The following PGAP1 variants were observed in gnomAD, a reference collection of about 807,000 sequenced individuals.
PGAP1 encodes post-GPI attachment to proteins inositol deacylase 1.
PGAP1 carries 76 observed loss-of-function variants against 127.0 expected under a neutral mutation model. That is an observed-to-expected ratio of 0.60 (90% CI 0.50 to 0.72). The LOEUF is 0.72. Ranked by LOEUF, PGAP1 falls within the 30% of genes least tolerant of loss-of-function variation. The pLI is 0.00. For synonymous variants in PGAP1, 362 were observed against 366.5 expected (o/e 0.99, Z 0.14); for missense variants, 982 against 1,071.3 (o/e 0.92, Z 1.16).
At chr2:196,892,949 T>TC (rs1373544951) in intron 8 of PGAP1, among the ~76,000 whole-genome samples, 191 bp downstream of exon 8, 1 of 152,062 alleles carries the variant, frequency 6.6e-6, no homozygotes, top group Admixed American at 6.6e-5. Flanking sequence ...ACATGTTGCT[T>TC]CTTTTTCCCT....
At chr2:196,886,886 C>T (rs1011782696) in intron 10 of PGAP1, among the ~76,000 whole-genome samples, 2 of 151,878 alleles carry the variant, frequency 1.3e-5, no homozygotes, top group African/African-American at 4.8e-5. Flanking sequence ...TTAGTGGAGA[C>T]GGGATTTCAC....
Position 196,926,456 on chromosome 2 carries a change from G to A in PGAP1, c.147+14C>T. 1 of 1,614,028 alleles carries A rather than the reference G, an allele frequency of 6.2e-7. No homozygotes were observed. Among genetic ancestry groups the A allele is most frequent in the East Asian group, 2.2e-5 (1 of 44,870 alleles). ...GTCTTGGAGCGCCCGGCTGAGGAGA[G>A]GGCAGAACCTTACCTGATACTCCGG... On this transcript the variant is annotated intron_variant, in intron 1 of 26. Transcript: ENST00000354764.
At chr2:196,894,796 C>T (rs1160780580) in intron 7 of PGAP1, among the ~76,000 whole-genome samples, 5 of 151,836 alleles carry the variant, frequency 3.3e-5, no homozygotes, top group African/African-American at 9.7e-5. Context: ...AGCAAGACTC[C>T]GTCTCAAAAA....
At chr2:196,925,559 T>C (rs1703331655) in intron 1 of PGAP1, among the ~76,000 whole-genome samples, 1 of 152,154 alleles carries the variant, frequency 6.6e-6, no homozygotes, top group African/African-American at 2.4e-5. Flanking sequence ...TTTTTACAGC[T>C]AGTCATGAAT....
Position 196,838,970 on chromosome 2 carries a change from G to A in PGAP1, c.*2264C>T, listed in dbSNP as rs1412295306. On this transcript the variant is annotated 3_prime_UTR_variant, in exon 27 of 27. Coordinates refer to ENST00000354764, the MANE Select transcript of PGAP1 (RefSeq NM_024989.4). ...GAGGCAGGGGCATCACTTGCACCTG[G>A]GAGGTGGAGGTTGCAGTGAGCTGAA... 1 of 152,416 alleles carries A rather than the reference G, an allele frequency of 6.6e-6. No homozygotes were observed. Among genetic ancestry groups the A allele is most frequent in the African/African-American group, 2.4e-5 (1 of 41,414 alleles). The allele number at this position is 152,416 out of a possible 1,614,324, so 9.4% of individuals were successfully genotyped here. A position where few individuals can be genotyped will look rare whatever the true frequency, so the allele number is the denominator to read the frequency against.
chr2:196,926,354 C>T, intron 1 of PGAP1, 116 bp downstream of exon 1: 1 of 1,483,340 alleles, frequency 6.7e-7, no homozygotes, highest in East Asian at 2.3e-5. Context: ...GAGGCGAGGA[C>T]GGGACAGGGG....
chr2:196,861,961 A>G (rs1384635187), intron 20 of PGAP1, among the ~76,000 whole-genome samples: 2 of 150,934 alleles, frequency 1.3e-5, no homozygotes, highest in African/African-American at 2.4e-5. Context: ...CCATGTGATA[A>G]TCGTATTAAC....
intron 10 of PGAP1, among the ~76,000 whole-genome samples, chr2:196,889,032 T>C (rs1055112396): frequency 1.3e-5 from 2 of 152,186 alleles, no homozygotes; most frequent in Non-Finnish European, 2.9e-5. Flanking sequence ...AAAATTTCTA[T>C]AATAAAAATT....
At chr2:196,894,146 T>C (rs1559359183) in intron 7 of PGAP1, among the ~76,000 whole-genome samples, 3 of 152,344 alleles carry the variant, frequency 2.0e-5, no homozygotes, top group East Asian at 1.9e-4. Context: ...CTATCTTAGA[T>C]TGGGAGACAG....
intron 5 of PGAP1, among the ~76,000 whole-genome samples, chr2:196,901,245 T>C (rs928690892): frequency 6.6e-6 from 1 of 152,244 alleles, no homozygotes; most frequent in Non-Finnish European, 1.5e-5. Context: ...TGAGGTTTGA[T>C]AGTTTTACTA....
intron 12 of PGAP1, among the ~76,000 whole-genome samples, chr2:196,883,190 T>C (rs1701786683): frequency 6.6e-6 from 1 of 152,306 alleles, no homozygotes; most frequent in Admixed American, 6.5e-5. Flanking sequence ...GTTCTGGAAG[T>C]ATGTGTGGGG....
At chr2:196,899,063 C>T (rs1343548510) in intron 5 of PGAP1, among the ~76,000 whole-genome samples, 1 of 152,166 alleles carries the variant, frequency 6.6e-6, no homozygotes, top group Non-Finnish European at 1.5e-5. Flanking sequence ...ACTAGAGACT[C>T]CTTTTCACAC....
At chr2:196,922,672 CTT>C (rs763237138) in intron 1 of PGAP1, 308 of 115,226 alleles carry the variant, frequency 2.7e-3, no homozygotes, top group East Asian at 0.01. Flanking sequence ...TTCTTACCTA[CTT>C]TTTTTTTTTT....
chr2:196,854,960 C>T (rs984326415), intron 20 of PGAP1, among the ~76,000 whole-genome samples: 1 of 143,870 alleles, frequency 7.0e-6, no homozygotes, highest in South Asian at 2.2e-4. Context: ...TCTTTTTAAA[C>T]TTTTTTTTTT....
In PGAP1 at chr2:196,834,473, C is replaced by T. The variant is rs1165471517; in HGVS notation, c.*6761G>A. 1 of 152,350 alleles carries T rather than the reference C, an allele frequency of 6.6e-6. No homozygotes were observed. Among genetic ancestry groups the T allele is most frequent in the Non-Finnish European group, 1.5e-5 (1 of 67,876 alleles). The allele number at this position is 152,350 out of a possible 1,614,324, so 9.4% of individuals were successfully genotyped here. Reference sequence around the variant, plus strand: ...CATTTCAAGGCACACTCTGTTTTATCCCAAATGACTATAAGTTCAAGGTCA... The same window carrying T: ...CATTTCAAGGCACACTCTGTTTTATTCCAAATGACTATAAGTTCAAGGTCA... On this transcript the variant is annotated 3_prime_UTR_variant, in exon 27 of 27. Transcript: ENST00000354764.
intron 20 of PGAP1, among the ~76,000 whole-genome samples, chr2:196,857,195 A>C (rs950780999): frequency 1.3e-5 from 2 of 152,254 alleles, no homozygotes; most frequent in African/African-American, 4.8e-5. Flanking sequence ...GACTTCAGCA[A>C]AATTTCAGGA....
chr2:196,860,384 A>G (rs893890277), intron 20 of PGAP1, among the ~76,000 whole-genome samples: 1 of 152,092 alleles, frequency 6.6e-6, no homozygotes, highest in African/African-American at 2.4e-5. Context: ...ATACAAAAAA[A>G]TTAGCTGGGC....
Position 196,912,927 on chromosome 2 carries a change from T to C in PGAP1, c.604A>G (p.Thr202Ala). The C allele has an allele frequency of 4.3e-6, 7 of 1,613,686 alleles. No homozygotes were observed. Among genetic ancestry groups the C allele is most frequent in the Non-Finnish European group, 5.1e-6 (6 of 1,179,858 alleles). ...GGCATCACAGGAGCAACATGAGGTG[T>C]GGCTTGTGTAATAAGAAGATTTATC... ...DLINLLITQA[T>A]PHVAPVMPLD... The change falls in exon 4 of 27, where the codon ACA becomes GCA. Residue 202 changes from threonine (T) to alanine (A), a missense_variant. Thr to Ala is a moderately conservative substitution (Grantham distance 58). Coordinates refer to ENST00000354764, the MANE Select transcript of PGAP1 (RefSeq NM_024989.4).
At chr2:196,870,075 A>G (rs937739775) in intron 19 of PGAP1, among the ~76,000 whole-genome samples, 1 of 152,210 alleles carries the variant, frequency 6.6e-6, no homozygotes, top group Non-Finnish European at 1.5e-5. Flanking sequence ...GCTAAGTAAT[A>G]GCTATAGTTC....
Sources: gnomAD v4.1 joint callset for allele counts (sites outside exome capture counted in the v4.1 genomes callset) on GRCh38, gnomAD v4.1.1 for gene constraint, MANE v1.5 for transcripts, NCBI Gene and HGNC (gene_info 2026-07-23, HGNC 2026-07-21) for gene names.